The following CEP83 variants were observed in gnomAD, a reference collection of about 807,000 sequenced individuals.
CEP83 encodes centrosomal protein 83.
CEP83 carries 70 observed loss-of-function variants against 101.9 expected under a neutral mutation model. The observed-to-expected ratio is 0.69, with a 90% CI of 0.57 to 0.84. CEP83 has a LOEUF of 0.84. Ranked by LOEUF, CEP83 falls within the 40% of genes least tolerant of loss-of-function variation. CEP83 has a pLI of 0.00. For missense variants in CEP83, 715 were observed against 787.2 expected (o/e 0.91, Z 1.10); for synonymous variants, 264 against 267.9 (o/e 0.99, Z 0.14).
chr12:94,371,192 A>G (rs2061289491), intron 8 of CEP83, among the ~76,000 whole-genome samples: 1 of 152,196 alleles, frequency 6.6e-6, no homozygotes, highest in South Asian at 2.1e-4. Flanking sequence ...ATACCATACA[A>G]AAGGGTTGTT....
chr12:94,424,675 G>A (rs2065045063), intron 2 of CEP83: 2 of 1,613,126 alleles, frequency 1.2e-6, no homozygotes, highest in Non-Finnish European at 8.5e-7. Flanking sequence ...CAAAGCCATA[G>A]CCTTTACATT....
the CEP83 span, among the ~76,000 whole-genome samples, chr12:94,299,589 C>T: frequency 6.6e-6 from 1 of 152,088 alleles, no homozygotes; most frequent in Non-Finnish European, 1.5e-5. Context: ...GACAGGGTCT[C>T]ACTCTTGTTG....
At chr12:94,291,665 T>C in the CEP83 span, among the ~76,000 whole-genome samples, 10 of 152,348 alleles carry the variant, frequency 6.6e-5, no homozygotes, top group South Asian at 1.4e-3. Context: ...CGAAGAAACC[T>C]TGAATTCATT....
intron 11 of CEP83, among the ~76,000 whole-genome samples, chr12:94,362,225 ATGT>A (rs2136943727): frequency 6.6e-6 from 1 of 152,188 alleles, no homozygotes; most frequent in East Asian, 1.9e-4. Flanking sequence ...GACAAAACAA[ATGT>A]TGTCAAGAAT....
chr12:94,452,181 G>A (rs1479409584), intron 1 of CEP83, among the ~76,000 whole-genome samples: 1 of 152,128 alleles, frequency 6.6e-6, no homozygotes, highest in African/African-American at 2.4e-5. Context: ...CTCTGGGGCT[G>A]TGGGAAGGAG....
the CEP83 span, chr12:94,298,757 C>T: frequency 2.5e-6 from 4 of 1,612,592 alleles, no homozygotes; most frequent in South Asian, 3.3e-5. Flanking sequence ...ACAAAAAAAT[C>T]ACAGATCCTG....
rs140954757 is a variant in CEP83, at chr12:94,405,502, G to A, written c.325-2240C>T. 9.8e-4 allele frequency among the ~76,000 whole-genome samples: 149 copies of A among 152,218 alleles called. 1 individual carries two copies. The highest frequency in any genetic ancestry group is 1.9e-3 in the Non-Finnish European group (132 of 68,014). On this transcript the variant is annotated intron_variant, in intron 4 of 16. Transcript: ENST00000397809. ...TGAATAATTATTAATGCTGGATGAT[G>A]GGTACATGGGAATGCATTACATGTT...
Position 94,446,920 on chromosome 12 carries a change from C to T in CEP83, c.-154-11593G>A, listed in dbSNP as rs562706307. On this transcript the variant is annotated intron_variant, in intron 1 of 16. Transcript: ENST00000397809. ...AAAGAAACCTGCAAATGCTGAAACACAAAGAGGAAATCTTTAAAAAGGAGC... is the reference window on the plus strand; with the variant it reads ...AAAGAAACCTGCAAATGCTGAAACATAAAGAGGAAATCTTTAAAAAGGAGC... 2.9e-4 allele frequency among the ~76,000 whole-genome samples: 44 copies of T among 152,176 alleles called. No homozygotes were observed. The Middle Eastern group carries it at 0.01, about 35-fold the overall frequency.
intron 15 of CEP83, chr12:94,312,568 T>G: frequency 1.0e-6 from 1 of 985,396 alleles, no homozygotes; most frequent in Non-Finnish European, 1.2e-6. Flanking sequence ...AAACCAAAAC[T>G]GACCTTTGAT....
chr12:94,277,817 G>A, the CEP83 span: 21 of 399,246 alleles, frequency 5.3e-5, no homozygotes, highest in East Asian at 8.0e-4. Context: ...GCCTGGCCCC[G>A]TGCTAAGCCC....
intron 14 of CEP83, among the ~76,000 whole-genome samples, chr12:94,330,796 C>A (rs1441200764): frequency 7.9e-5 from 12 of 152,146 alleles, no homozygotes; most frequent in Admixed American, 7.9e-4. Flanking sequence ...AACTATCACT[C>A]TGAAAAACAC....
chr12:94,292,760 A>G, the CEP83 span, among the ~76,000 whole-genome samples: 1 of 152,224 alleles, frequency 6.6e-6, no homozygotes, highest in Admixed American at 6.5e-5. Context: ...ACTGTCACTC[A>G]TGCTATCATG....
downstream of CEP83, among the ~76,000 whole-genome samples, chr12:94,304,896 G>A (rs1968844884): frequency 6.6e-6 from 1 of 152,190 alleles, no homozygotes; most frequent in Non-Finnish European, 1.5e-5. Flanking sequence ...GCTGTGCTTG[G>A]AATGGCTGTG....
At chr12:94,401,814 C>T (rs2063274892) in intron 5 of CEP83, among the ~76,000 whole-genome samples, 1 of 152,070 alleles carries the variant, frequency 6.6e-6, no homozygotes, top group Admixed American at 6.6e-5. Context: ...TGGGTCTGAT[C>T]TTGTTTATTT....
At position 94,405,508 on chromosome 12, in the gene CEP83, A is replaced by C. The variant is rs2063485339; in HGVS notation, c.325-2246T>G. Among the ~76,000 whole-genome samples, 4 of 152,314 alleles carry C rather than the reference A, an allele frequency of 2.6e-5. No individual in the cohort carries two copies. In the South Asian group the frequency reaches 8.3e-4, roughly 32 times the overall value. On this transcript the variant is annotated intron_variant, in intron 4 of 16. Transcript: ENST00000397809. ...ATTATTAATGCTGGATGATGGGTAC[A>C]TGGGAATGCATTACATGTTTGAGAT...
chr12:94,391,503 G>A lies in CEP83; in HGVS notation c.549+9347C>T, dbSNP rs144286203. 1.4e-4 allele frequency among the ~76,000 whole-genome samples: 22 copies of A among 152,152 alleles called. No homozygotes were observed. The East Asian group carries it at 2.9e-3, about 20-fold the overall frequency. ...GCACTAAACATGGAAAGAAACAACCGGTATCAGCCACTGCAAAAACAGGCC... is the reference window on the plus strand; with the variant it reads ...GCACTAAACATGGAAAGAAACAACCAGTATCAGCCACTGCAAAAACAGGCC... On this transcript the variant is annotated intron_variant, in intron 6 of 16. Transcript: ENST00000397809.
intron 2 of CEP83, among the ~76,000 whole-genome samples, chr12:94,420,070 ATTGTC>A (rs1376126048): frequency 6.6e-6 from 1 of 152,190 alleles, no homozygotes; most frequent in African/African-American, 2.4e-5. Flanking sequence ...TTTCTATTGA[ATTGTC>A]TTTTCAATTA....
At chr12:94,423,774 A>G in intron 2 of CEP83, 1 of 1,613,566 alleles carries the variant, frequency 6.2e-7, no homozygotes, top group South Asian at 1.1e-5. Flanking sequence ...AATAGACCCC[A>G]TGCTCTGAGG....
In CEP83 at chr12:94,379,042, T is replaced by C; in HGVS notation, c.550A>G (p.Ile184Val). The C allele has an allele frequency of 1.9e-6, 3 of 1,593,700 alleles. No homozygotes were observed. The highest frequency in any genetic ancestry group is 2.6e-6 in the Non-Finnish European group (3 of 1,167,640). Residue 184 changes from isoleucine to valine, a missense_variant and splice_region_variant, in exon 7 of 17, where the codon ATT becomes GTT. Transcript: ENST00000397809. The part of the protein sequence containing the change: ...DEGKIKYESE[I>V]ARLEEDKEEL... ...TCTTTATCTTCCTCCAGTCTTGCAATCTAATAATAATTTTAAAGAAAGCAT... is the reference window on the plus strand; with the variant it reads ...TCTTTATCTTCCTCCAGTCTTGCAACCTAATAATAATTTTAAAGAAAGCAT...
Sources: gnomAD v4.1 joint callset for allele counts (sites outside exome capture counted in the v4.1 genomes callset) on GRCh38, gnomAD v4.1.1 for gene constraint, MANE v1.5 for transcripts, NCBI Gene and HGNC (gene_info 2026-07-23, HGNC 2026-07-21) for gene names.